The following ABCA7 variants were observed in gnomAD, a reference collection of about 807,000 sequenced individuals.
ABCA7 encodes ATP binding cassette subfamily A member 7, also known as phospholipid-transporting ATPase ABCA7.
A neutral mutation model predicts 227.6 loss-of-function variants in ABCA7; 261 were observed. That is an observed-to-expected ratio of 1.15 (90% CI 1.04 to 1.27). The LOEUF (loss-of-function observed/expected upper bound fraction) is 1.27. ABCA7 is among the 50% of genes most tolerant of loss of function. ABCA7 has a pLI of 0.00. For synonymous variants in ABCA7, 1,488 were observed against 1,279.7 expected (o/e 1.16, Z -3.47); for missense variants, 3,331 against 2,924.5 (o/e 1.14, Z -3.21).
At position 1,052,017 on chromosome 19, in the gene ABCA7, G is replaced by A; in HGVS notation, c.3038G>A (p.Gly1013Asp). Residue 1013 changes from glycine to aspartate, a missense_variant, in exon 22 of 47, where the codon GGT becomes GAT. By Grantham distance (94) the Gly-to-Asp change is moderately conservative. Coordinates refer to ENST00000263094, the MANE Select transcript of ABCA7 (RefSeq NM_019112.4). ...LLGDRVAVVA[G>D]GRLCCCGSPL... ...GGAGACCGTGTGGCCGTGGTGGCAG[G>A]TGGCCGCTTGTGCTGCTGTGGCTCC... 6.2e-7 allele frequency: 1 copy of A among 1,612,172 alleles called. No homozygotes were observed. The highest frequency in any genetic ancestry group is 8.5e-7 in the Non-Finnish European group (1 of 1,179,896).
chr19:1,050,468 T>C (rs538107493), intron 18 of ABCA7, among the ~76,000 whole-genome samples: 45 of 144,832 alleles, frequency 3.1e-4, no homozygotes, highest in African/African-American at 1.1e-3. Flanking sequence ...GTTTTGGATG[T>C]AGCATTTAAT....
rs189602802 is a variant in ABCA7 at position 1,063,586 on chromosome 19, G to A, written c.5755G>A (p.Ala1919Thr). 9 of 1,611,020 alleles carry A rather than the reference G, an allele frequency of 5.6e-6. No individual in the cohort carries two copies. The Admixed American group carries it at 8.3e-5, about 15-fold the overall frequency. ...GLARLGLSWYADRPAGTYSGG... is the reference protein window; with the variant it reads ...GLARLGLSWYTDRPAGTYSGG... ...GGCGCGTCTGGGACTCTCATGGTAC[G>A]CAGACCGGCCTGCAGGCACCTACAG... is the stretch of plus-strand genomic sequence containing the variant. The change falls in exon 43 of 47, where the codon GCA (alanine) becomes ACA (threonine). Residue 1919 changes from alanine to threonine, a missense_variant. By Grantham distance (58) the Ala-to-Thr change is moderately conservative. Coordinates refer to ENST00000263094, the MANE Select transcript of ABCA7 (RefSeq NM_019112.4).
rs1237762737 is a variant in ABCA7 at position 1,041,981 on chromosome 19, G to C, written c.302+9G>C. Reference sequence around the variant, plus strand: ...AACTTCAACGACTCCCTGTGAGCCAGAGGCAGTGGGTGCGGCCGGCCTGCA... The same window carrying C: ...AACTTCAACGACTCCCTGTGAGCCACAGGCAGTGGGTGCGGCCGGCCTGCA... On this transcript the variant is annotated intron_variant, in intron 4 of 46. Coordinates refer to ENST00000263094, the MANE Select transcript of ABCA7 (RefSeq NM_019112.4). 2.5e-6 allele frequency: 4 copies of C among 1,579,698 alleles called. No homozygotes were observed. Among genetic ancestry groups the C allele is most frequent in the Non-Finnish European group, 3.4e-6 (4 of 1,168,346 alleles).
At chr19:1,062,124 G>T in intron 41 of ABCA7, 48 bp from the exon 42 acceptor site, 2 of 1,600,524 alleles carry the variant, frequency 1.2e-6, no homozygotes. Context: ...CCACCAGTAT[G>T]GTCAGGGACT....
chr19:1,047,685 G>T, intron 16 of ABCA7, 31 bp downstream of exon 16: 5 of 1,551,934 alleles, frequency 3.2e-6, no homozygotes, highest in Non-Finnish European at 4.3e-6. Flanking sequence ...CTCCGGGCCG[G>T]GTCGCACCTG....
chr19:1,057,303 C>T lies in ABCA7; in HGVS notation c.4765-11C>T. 6.2e-7 allele frequency: 1 copy of T among 1,613,400 alleles called. No individual in the cohort carries two copies. Among genetic ancestry groups the T allele is most frequent in the Non-Finnish European group, 8.5e-7 (1 of 1,179,536 alleles). On this transcript the variant is annotated splice_polypyrimidine_tract_variant and intron_variant, in intron 34 of 46. Transcript: ENST00000263094. Reference sequence around the variant, plus strand: ...TTAGGCTGATAAAGGTAACTGCCATCTCCAATGCAGTGTAACTACTTGGTG... The same window carrying T: ...TTAGGCTGATAAAGGTAACTGCCATTTCCAATGCAGTGTAACTACTTGGTG...
At chr19:1,059,283 G>A (rs865998524) in intron 40 of ABCA7, 198 bp downstream of exon 40, 1 of 66,916 alleles carries the variant, frequency 1.5e-5, no homozygotes, top group Non-Finnish European at 2.5e-5. Flanking sequence ...TTATTTATTT[G>A]AGATGGAGTC....
At chr19:1,059,243 A>AAAT (rs200322246) in intron 40 of ABCA7, 158 bp downstream of exon 40, 14,980 of 311,770 alleles carry the variant, frequency 0.048, 495 homozygotes, top group Non-Finnish European at 0.062. Context: ...TTATTTTATT[A>AAAT]TATTATTATT....
intron 20 of ABCA7, 37 bp from the exon 21 acceptor site, chr19:1,051,412 G>T (rs2041621346): frequency 1.4e-6 from 1 of 719,410 alleles, no homozygotes; most frequent in Non-Finnish European, 2.0e-6. Context: ...CCAAGGCTGG[G>T]TGTGACACAC....
Position 1,042,172 on chromosome 19 carries a change from C to T in ABCA7, c.411C>T (p.Ser137=). Residue 137 remains serine (S), a synonymous_variant, in exon 5 of 47, where the codon AGC becomes AGT. Transcript: ENST00000263094. ...KLIATLRAAR[S]TAQPQPTKQS... is the part of the protein sequence containing the mutation. The stretch of plus-strand genomic sequence containing the variant: ...TCGCCACGCTGAGGGCTGCACGCAG[C>T]ACGGGTGAGGAGGCCGGGGGGCCTC... The T allele has an allele frequency of 6.2e-7, 1 of 1,601,066 alleles. No individual in the cohort carries two copies. Among genetic ancestry groups the T allele is most frequent in the Non-Finnish European group, 8.5e-7 (1 of 1,179,262 alleles).
At position 1,055,130 on chromosome 19, in the gene ABCA7, C is replaced by T; in HGVS notation, c.3984C>T (p.Ala1328=). The T allele has an allele frequency of 6.2e-7, 1 of 1,612,908 alleles. No homozygotes were observed. The highest frequency in any genetic ancestry group is 8.5e-7 in the Non-Finnish European group (1 of 1,179,848). Residue 1328 remains alanine (A), a synonymous_variant, in exon 30 of 47, where the codon GCC becomes GCT. Coordinates refer to ENST00000263094, the MANE Select transcript of ABCA7 (RefSeq NM_019112.4). ...FSAPEVPAEV[A]KVLASGNWTP... ...CACCAGAAGTTCCTGCTGAAGTGGC[C>T]AAGGTCTTGGCCAGTGGCAACTGGA...
Position 1,043,492 on chromosome 19 carries a change from C to A in ABCA7, c.930+19C>A. ...GGCCCAGGTGGGGGCAGCCTGGATG[C>A]TGGGGTGGGAGGGTGGTGGCCAGAG... On this transcript the variant is annotated intron_variant, in intron 9 of 46. Transcript: ENST00000263094. The A allele has an allele frequency of 6.2e-7, 1 of 1,612,792 alleles. No individual in the cohort carries two copies.
chr19:1,062,978 C>G (rs2042771136), intron 42 of ABCA7, among the ~76,000 whole-genome samples: 1 of 132,748 alleles, frequency 7.5e-6, no homozygotes, highest in Non-Finnish European at 1.6e-5. Context: ...TGGCTCCACC[C>G]ACACCATGGC....
Position 1,053,443 on chromosome 19 carries a change from G to A in ABCA7, c.3335G>A (p.Ser1112Asn), listed in dbSNP as rs1462048302. The part of the protein sequence containing the change: ...VLPYTGAHDG[S>N]FATLFRELDT... ...CCCTACACGGGTGCCCATGACGGCA[G>A]CTTCGCCACACTCTTCCGAGAGCTA... The change falls in exon 24 of 47, where the codon AGC becomes AAC. Residue 1112 changes from serine (S) to asparagine (N), a missense_variant. By Grantham distance (46) the Ser-to-Asn change is conservative. Coordinates refer to ENST00000263094, the MANE Select transcript of ABCA7 (RefSeq NM_019112.4). 2 of 1,603,424 alleles carry A rather than the reference G, an allele frequency of 1.2e-6. No homozygotes were observed. The highest frequency in any genetic ancestry group is 1.7e-4 in the Middle Eastern group (1 of 5,820).
chr19:1,062,276 C>T lies in ABCA7; in HGVS notation c.5675C>T (p.Ala1892Val), dbSNP rs755316274. ...GGCCGCGAGCACCTGGAGCTGCTTG[C>T]GCGCCTGCGCGGTGTCCCGGAGGCC... ...LTGREHLELL[A>V]RLRGVPEAQV... Residue 1892 changes from alanine to valine, a missense_variant, in exon 42 of 47, where the codon GCG becomes GTG. Physicochemically the swap from Ala to Val is moderately conservative, Grantham distance 64. Transcript: ENST00000263094. 6 of 1,609,262 alleles carry T rather than the reference C, an allele frequency of 3.7e-6. No individual in the cohort carries two copies. The South Asian group carries it at 4.4e-5, about 12-fold the overall frequency.
In ABCA7 at chr19:1,051,016, T is replaced by C. The variant is rs769965187; in HGVS notation, c.2648T>C (p.Leu883Pro). Residue 883 changes from leucine (L) to proline (P), a missense_variant, in exon 19 of 47, where the codon CTG (leucine) becomes CCG (proline). Coordinates refer to ENST00000263094, the MANE Select transcript of ABCA7 (RefSeq NM_019112.4). Reference sequence around the variant, plus strand: ...AGCATGGCCGCCATCCGGCCCCACCTGGGCGTCTGTCCTCAGTACAACGTG... The same window carrying C: ...AGCATGGCCGCCATCCGGCCCCACCCGGGCGTCTGTCCTCAGTACAACGTG... ...RSSMAAIRPHLGVCPQYNVLF... is the reference protein window; with the variant it reads ...RSSMAAIRPHPGVCPQYNVLF... 1.9e-6 allele frequency: 3 copies of C among 1,612,202 alleles called. No individual in the cohort carries two copies. The highest frequency in any genetic ancestry group is 2.7e-5 in the African/African-American group (2 of 75,022).
At chr19:1,061,436 C>T (rs2042649374) in intron 40 of ABCA7, among the ~76,000 whole-genome samples, 3 of 148,712 alleles carry the variant, frequency 2.0e-5, no homozygotes, top group Admixed American at 2.0e-4. Context: ...GTGGCTCACG[C>T]CTGTAATCCC....
At chr19:1,053,180 A>T in intron 23 of ABCA7, 149 bp from the exon 24 acceptor site, 1 of 778,480 alleles carries the variant, frequency 1.3e-6, no homozygotes, top group Non-Finnish European at 2.0e-6. Flanking sequence ...GGCGTGAGCC[A>T]CTGCGCCCGG....
chr19:1,064,161 C>G lies in ABCA7; in HGVS notation c.5952C>G (p.Ser1984Arg), dbSNP rs1305217414. The G allele has an allele frequency of 1.9e-6, 3 of 1,568,718 alleles. No individual in the cohort carries two copies. The Admixed American group carries it at 5.6e-5, about 29-fold the overall frequency. Residue 1984 changes from serine (S) to arginine (R), a missense_variant and splice_region_variant, in exon 45 of 47, where the codon AGC (serine) becomes AGG (arginine). Physicochemically the swap from Ser to Arg is moderately radical, Grantham distance 110 (BLOSUM62 -1). Transcript: ENST00000263094. ...AGCTCGTGGTGCCGGGTCCCGACAG[C>G]ATGGAGGAGTGTGAAGCGCTCTGCT... ...EGRSVMLTSHSMEECEALCSR... is the reference protein window; with the variant it reads ...EGRSVMLTSHRMEECEALCSR...
Sources: allele counts gnomAD v4.1 joint callset (sites outside exome capture counted in the v4.1 genomes callset), GRCh38; gene constraint gnomAD v4.1.1; transcripts MANE v1.5; gene names NCBI Gene and HGNC (gene_info 2026-07-23, HGNC 2026-07-21).